Variants in GRM8 observed in about 807,000 individuals in gnomAD.
The protein encoded by GRM8 is metabotropic glutamate receptor 8.
GRM8 carries 47 observed loss-of-function variants against 87.2 expected under a neutral mutation model. The observed-to-expected ratio is 0.54, with a 90% CI of 0.43 to 0.69. The LOEUF is 0.69. Among genes scored for constraint, GRM8 ranks in the 30% least tolerant of loss-of-function variants. The probability of loss-of-function intolerance (pLI) is 0.00; values close to 1 mark genes in which losing one functional copy is unlikely to be tolerated. For synonymous variants in GRM8, 396 were observed against 404.5 expected (o/e 0.98, Z 0.25); for missense variants, 1,019 against 1,139.2 (o/e 0.89, Z 1.52).
At chr7:126,528,614 T>TTGTG (rs59437677) in intron 9 of GRM8, among the ~76,000 whole-genome samples, 4,802 of 149,156 alleles carry the variant, frequency 0.032, 191 homozygotes, top group African/African-American at 0.1. Flanking sequence ...ACAAAAGAAG[T>TTGTG]TGTGTGTGTG....
chr7:127,172,334 C>T lies in GRM8; in HGVS notation c.511-65622G>A, dbSNP rs530935622. 1.2e-4 allele frequency among the ~76,000 whole-genome samples: 19 copies of T among 152,042 alleles called. 1 individual carries two copies. The highest frequency in any genetic ancestry group is 6.8e-3 in the Middle Eastern group (2 of 292). The stretch of plus-strand genomic sequence containing the variant: ...AAAATTACCAATCCATTACTTTTTT[C>T]CTTTTATGTACATAACATTTTTTAT... On this transcript the variant is annotated intron_variant, in intron 2 of 10. Coordinates refer to ENST00000339582, the MANE Select transcript of GRM8 (RefSeq NM_000845.3).
intron 8 of GRM8, among the ~76,000 whole-genome samples, chr7:126,590,120 T>TA (rs61063685): frequency 0.045 from 6,753 of 148,560 alleles, 499 homozygotes; most frequent in African/African-American, 0.16. Flanking sequence ...TTTCATGAAA[T>TA]AAAAAAAAAA....
chr7:126,587,890 T>C (rs548501333), intron 8 of GRM8, among the ~76,000 whole-genome samples: 1 of 149,708 alleles, frequency 6.7e-6, no homozygotes, highest in East Asian at 1.9e-4. Context: ...TAAATTTATG[T>C]AATTAAAAAT....
intron 2 of GRM8, among the ~76,000 whole-genome samples, chr7:127,185,852 C>T (rs1000161575): frequency 3.3e-5 from 5 of 152,132 alleles, no homozygotes; most frequent in Non-Finnish European, 7.4e-5. Context: ...AAAAATTTTA[C>T]CCACTTAATC....
intron 7 of GRM8, among the ~76,000 whole-genome samples, chr7:126,762,698 A>T (rs1013931349): frequency 1.6e-4 from 25 of 152,020 alleles, no homozygotes; most frequent in Non-Finnish European, 2.6e-4. Context: ...ATACTATACA[A>T]TATATTGTTG....
intron 2 of GRM8, among the ~76,000 whole-genome samples, chr7:127,223,453 A>G (rs753475813): frequency 0.078 from 3,498 of 45,032 alleles, 63 homozygotes; most frequent in African/African-American, 0.34. Flanking sequence ...GCACACACAC[A>G]CACACACACA....
At chr7:126,778,703 T>C (rs1819727184) in intron 6 of GRM8, among the ~76,000 whole-genome samples, 1 of 152,106 alleles carries the variant, frequency 6.6e-6, no homozygotes, top group Admixed American at 6.6e-5. Flanking sequence ...AAGACACTCC[T>C]CCTCATACAA....
intron 6 of GRM8, among the ~76,000 whole-genome samples, chr7:126,857,832 G>A (rs770554098): frequency 5.9e-5 from 9 of 152,194 alleles, no homozygotes; most frequent in East Asian, 3.9e-4. Context: ...GCCTGTAGTC[G>A]CAGCCACTTA....
At chr7:127,118,523 T>C (rs1393636133) in intron 2 of GRM8, among the ~76,000 whole-genome samples, 1 of 152,208 alleles carries the variant, frequency 6.6e-6, no homozygotes, top group African/African-American at 2.4e-5. Context: ...TGTGTGCGTA[T>C]GTGTGTGTGC....
intron 3 of GRM8, among the ~76,000 whole-genome samples, chr7:127,088,934 C>G (rs1447007089): frequency 6.6e-6 from 1 of 152,170 alleles, no homozygotes; most frequent in Non-Finnish European, 1.5e-5. Flanking sequence ...CAGTGGGGGC[C>G]AAGCCTTGGA....
chr7:126,755,411 A>G (rs1468234285), intron 7 of GRM8, among the ~76,000 whole-genome samples: 1 of 152,024 alleles, frequency 6.6e-6, no homozygotes, highest in Non-Finnish European at 1.5e-5. Context: ...ATGTCAGTCA[A>G]AAGCTTTTTT....
At chr7:126,850,917 C>A (rs1271415194) in intron 6 of GRM8, among the ~76,000 whole-genome samples, 1 of 152,128 alleles carries the variant, frequency 6.6e-6, no homozygotes, top group African/African-American at 2.4e-5. Context: ...TTTGTCTAAT[C>A]TCATCTAATC....
At chr7:126,468,580 C>G (rs1377349420) in intron 9 of GRM8, among the ~76,000 whole-genome samples, 5 of 152,002 alleles carry the variant, frequency 3.3e-5, no homozygotes, top group African/African-American at 1.2e-4. Context: ...TTCATCTATT[C>G]CTTCATTATC....
At chr7:126,988,173 T>A (rs994746898) in intron 3 of GRM8, among the ~76,000 whole-genome samples, 1 of 152,202 alleles carries the variant, frequency 6.6e-6, no homozygotes, top group Admixed American at 6.5e-5. Flanking sequence ...ATCAAAACCC[T>A]GCAGGAAGCA....
At chr7:127,208,254 G>T (rs17864917) in intron 2 of GRM8, among the ~76,000 whole-genome samples, 1 of 152,068 alleles carries the variant, frequency 6.6e-6, no homozygotes, top group Admixed American at 6.5e-5. Context: ...CAGGTAATAC[G>T]CATGTTTGCT....
intron 8 of GRM8, among the ~76,000 whole-genome samples, chr7:126,553,585 C>T (rs766804119): frequency 9.2e-5 from 14 of 152,070 alleles, no homozygotes; most frequent in African/African-American, 3.1e-4. Context: ...AACCTGTCTC[C>T]GTCTCCCAAT....
At chr7:126,887,340 A>G (rs1490116877) in intron 6 of GRM8, among the ~76,000 whole-genome samples, 1 of 152,144 alleles carries the variant, frequency 6.6e-6, no homozygotes, top group Non-Finnish European at 1.5e-5. Flanking sequence ...TGTTAAAGAT[A>G]CTACTGAGCT....
chr7:126,629,792 T>C (rs986879960), intron 7 of GRM8, among the ~76,000 whole-genome samples: 2 of 152,172 alleles, frequency 1.3e-5, no homozygotes, highest in East Asian at 3.8e-4. Context: ...TTGAGGTGTT[T>C]CTATTCTACA....
chr7:126,845,393 A>T (rs1796625316), intron 6 of GRM8, among the ~76,000 whole-genome samples: 1 of 152,164 alleles, frequency 6.6e-6, no homozygotes, highest in South Asian at 2.1e-4. Context: ...CTTCCCTTTC[A>T]ATGCTAGATG....
Sources: allele counts gnomAD v4.1 joint callset (sites outside exome capture counted in the v4.1 genomes callset), GRCh38; gene constraint gnomAD v4.1.1; transcripts MANE v1.5; gene names NCBI Gene and HGNC (gene_info 2026-07-23, HGNC 2026-07-21).